ALKBH4: variants seen among roughly 807,000 people sequenced by gnomAD.
The protein encoded by ALKBH4 is alkB homolog 4, lysine demethylase, also known as alpha-ketoglutarate-dependent dioxygenase alkB homolog 4.
Under a neutral mutation model 12.1 loss-of-function variants are expected in ALKBH4, and 8 were observed. The observed-to-expected ratio is 0.66, with a 90% CI of 0.39 to 1.19. ALKBH4 has a LOEUF of 1.19. Among genes scored for constraint, ALKBH4 ranks in the 50% most tolerant of loss-of-function variants. The probability of loss-of-function intolerance (pLI) is 0.01; values close to 1 mark genes in which losing one functional copy is unlikely to be tolerated. For synonymous variants in ALKBH4, 195 were observed against 191.6 expected (o/e 1.02, Z -0.15); for missense variants, 403 against 430.4 (o/e 0.94, Z 0.56).
rs188739075 is a variant in ALKBH4, at chr7:102,457,187, A to T, written c.*207T>A. The T allele has an allele frequency of 2.3e-3, 1,330 of 566,228 alleles. 15 individuals carry two copies. Among genetic ancestry groups the T allele is most frequent in the African/African-American group, 0.023 (1,237 of 53,222 alleles). The allele number at this position is 566,228 out of a possible 1,614,324, so 35.1% of individuals were successfully genotyped here. A position where few individuals can be genotyped will look rare whatever the true frequency, so the allele number is the denominator to read the frequency against. On this transcript the variant is annotated 3_prime_UTR_variant, in exon 3 of 3. Transcript: ENST00000292566. This position sits in a 1 kb window ranked among gnomAD's most constrained non-coding sequence, Gnocchi z 5.9. ...CCCCAAGACTGTGACAAACTAAATAACCAAAAAAGTGTGGCCACGGTCCAG... is the reference window on the plus strand; with the variant it reads ...CCCCAAGACTGTGACAAACTAAATATCCAAAAAAGTGTGGCCACGGTCCAG...
At chr7:102,462,686 T>C (rs1246806146) in intron 1 of ALKBH4, among the ~76,000 whole-genome samples, 3 of 152,080 alleles carry the variant, frequency 2.0e-5, no homozygotes, top group Non-Finnish European at 4.4e-5. Flanking sequence ...AAATTAAAAC[T>C]CTTAAGTTCA....
intron 1 of ALKBH4, 91 bp from the exon 2 acceptor site, chr7:102,459,892 G>C: frequency 8.0e-7 from 1 of 1,254,984 alleles, no homozygotes; most frequent in South Asian, 1.5e-5. Flanking sequence ...GGTGGCTCAC[G>C]CCTGTAATTC....
chr7:102,458,662 TG>T (rs763973870), intron 2 of ALKBH4, among the ~76,000 whole-genome samples: 3 of 143,112 alleles, frequency 2.1e-5, no homozygotes, highest in African/African-American at 7.9e-5. Flanking sequence ...CGCTAGAGCC[TG>T]GGGGGTCAAG....
intron 1 of ALKBH4, among the ~76,000 whole-genome samples, chr7:102,464,187 C>CT (rs1410151961): frequency 2.6e-5 from 4 of 152,150 alleles, no homozygotes; most frequent in Non-Finnish European, 4.4e-5. Flanking sequence ...AGTTCTTTTT[C>CT]TTTTTTTATT....
chr7:102,459,442 G>T, intron 2 of ALKBH4, 162 bp downstream of exon 2: 1 of 804,520 alleles, frequency 1.2e-6, no homozygotes. Context: ...CACACGTCCT[G>T]CAGCGAGTCT....
Position 102,457,479 on chromosome 7 carries a change from G to C in ALKBH4, c.824C>G (p.Ala275Gly). 1.2e-6 allele frequency: 2 copies of C among 1,613,512 alleles called. No homozygotes were observed. The highest frequency in any genetic ancestry group is 2.2e-5 in the South Asian group (2 of 91,080). Reference sequence around the variant, plus strand: ...CTGCCTCCCTCCAGGGCCAAACTCAGCCGACAGCTCCCGGAAAGTGACGCA... The same window carrying C: ...CTGCCTCCCTCCAGGGCCAAACTCACCCGACAGCTCCCGGAAAGTGACGCA... ...RVCVTFRELSAEFGPGGRQQE... is the reference protein window; with the variant it reads ...RVCVTFRELSGEFGPGGRQQE... Residue 275 changes from alanine (A) to glycine (G), a missense_variant, in exon 3 of 3, where the codon GCT (alanine) becomes GGT (glycine). Coordinates refer to ENST00000292566, the MANE Select transcript of ALKBH4 (RefSeq NM_017621.4). This position sits in a 1 kb window ranked among gnomAD's most constrained non-coding sequence, Gnocchi z 5.9.
In ALKBH4 at chr7:102,457,121, G is replaced by C; in HGVS notation, c.*273C>G. 2.6e-6 allele frequency: 1 copy of C among 391,376 alleles called. No individual in the cohort carries two copies. Among genetic ancestry groups the C allele is most frequent in the Non-Finnish European group, 4.6e-6 (1 of 215,484 alleles). The allele number at this position is 391,376 out of a possible 1,614,324, so 24.2% of individuals were successfully genotyped here. A position where few individuals can be genotyped will look rare whatever the true frequency, so the allele number is the denominator to read the frequency against. ...TAGGATTACAGGTGTGAGCCACTGT[G>C]CCCGGCCCCCAGTATTTTTTAAGCT... is the stretch of plus-strand genomic sequence containing the variant. On this transcript the variant is annotated 3_prime_UTR_variant, in exon 3 of 3. Transcript: ENST00000292566. The surrounding 1 kb of genome is among the most constrained non-coding windows in gnomAD (Gnocchi z 5.9).
rs979065016 is a variant in ALKBH4 at position 102,457,291 on chromosome 7, G to A, written c.*103C>T. On this transcript the variant is annotated 3_prime_UTR_variant, in exon 3 of 3. Transcript: ENST00000292566. This position sits in a 1 kb window ranked among gnomAD's most constrained non-coding sequence, Gnocchi z 5.9. ...GGCTCACACTGCTCACAGCATCAGG[G>A]GTCAGCCATCTTCTCTTGAAACCCC... The A allele has an allele frequency of 5.1e-5, 67 of 1,319,508 alleles. No individual in the cohort carries two copies. Among genetic ancestry groups the A allele is most frequent in the Non-Finnish European group, 6.7e-5 (63 of 946,472 alleles). 81.7% of individuals were successfully genotyped at this position (1,319,508 alleles called of 1,614,324 possible).
In ALKBH4 at chr7:102,457,654, T is replaced by C; in HGVS notation, c.649A>G (p.Ser217Gly). 12 of 1,571,700 alleles carry C rather than the reference T, an allele frequency of 7.6e-6. No homozygotes were observed. Among genetic ancestry groups the C allele is most frequent in the African/African-American group, 1.3e-5 (1 of 74,306 alleles). ...PSAAPEALVD[S>G]VIAPSRSVLC... ...ACCGACCGGCTGGGTGCTATCACGC[T>C]GTCCACCAAGGCCTCCGGGGCAGCC... The change falls in exon 3 of 3, where the codon AGC (serine) becomes GGC (glycine). Residue 217 changes from serine to glycine, a missense_variant. Ser to Gly is a moderately conservative substitution (Grantham distance 56, BLOSUM62 0). Transcript: ENST00000292566. This position sits in a 1 kb window ranked among gnomAD's most constrained non-coding sequence, Gnocchi z 5.9.
At chr7:102,461,463 C>G (rs1370739415) in intron 1 of ALKBH4, among the ~76,000 whole-genome samples, 1 of 152,030 alleles carries the variant, frequency 6.6e-6, no homozygotes, top group Admixed American at 6.5e-5. Context: ...TGGGTTCAAG[C>G]GATTCTCCTG....
rs758844528 is a variant in ALKBH4 at position 102,464,696 on chromosome 7, C to T, written c.123+18G>A. On this transcript the variant is annotated intron_variant, in intron 1 of 2. Coordinates refer to ENST00000292566, the MANE Select transcript of ALKBH4 (RefSeq NM_017621.4). ...GCAGAGCGACGTTTGTGGGCGCGGC[C>T]CCTCTCCCACCCCTTACCGCTGGGG... 6.7e-7 allele frequency: 1 copy of T among 1,503,282 alleles called. No individual in the cohort carries two copies. Among genetic ancestry groups the T allele is most frequent in the South Asian group, 1.3e-5 (1 of 78,982 alleles). 93.1% of individuals were successfully genotyped at this position (1,503,282 alleles called of 1,614,324 possible). A position where few individuals can be genotyped will look rare whatever the true frequency, so the allele number is the denominator to read the frequency against.
intron 1 of ALKBH4, among the ~76,000 whole-genome samples, chr7:102,461,980 C>A (rs1797808850): frequency 6.6e-6 from 1 of 152,202 alleles, no homozygotes; most frequent in Non-Finnish European, 1.5e-5. Flanking sequence ...GGACCTCAGC[C>A]CCTTCCAATG....
At chr7:102,463,135 G>A (rs1385989379) in intron 1 of ALKBH4, among the ~76,000 whole-genome samples, 1 of 151,148 alleles carries the variant, frequency 6.6e-6, no homozygotes, top group Non-Finnish European at 1.5e-5. Flanking sequence ...TTTTTTTGTA[G>A]AGGTGGGATT....
Position 102,457,896 on chromosome 7 carries a change from A to C in ALKBH4, c.407T>G (p.Val136Gly). The C allele has an allele frequency of 6.2e-7, 1 of 1,613,166 alleles. No homozygotes were observed. The highest frequency in any genetic ancestry group is 8.5e-7 in the Non-Finnish European group (1 of 1,179,984). Residue 136 changes from valine (V) to glycine (G), a missense_variant, in exon 3 of 3, where the codon GTG becomes GGG. Physicochemically the swap from Val to Gly is moderately radical, Grantham distance 109 (BLOSUM62 -3). Transcript: ENST00000292566. The surrounding 1 kb of genome is among the most constrained non-coding windows in gnomAD (Gnocchi z 5.9). ...CGLPSFSREV[V>G]RRMGLYPGLE... ...CCCCGGGTAGAGGCCCATCCTCCGCACCACCTCCCGGCTGAAGCTGGGGAG... is the reference window on the plus strand; with the variant it reads ...CCCCGGGTAGAGGCCCATCCTCCGCCCCACCTCCCGGCTGAAGCTGGGGAG...
chr7:102,460,532 G>A (rs1410010328), intron 1 of ALKBH4, among the ~76,000 whole-genome samples: 1 of 152,158 alleles, frequency 6.6e-6, no homozygotes, highest in Non-Finnish European at 1.5e-5. Context: ...GAGCTAACAC[G>A]AATTTGATTG....
Position 102,457,200 on chromosome 7 carries a change from G to A in ALKBH4, c.*194C>T. On this transcript the variant is annotated 3_prime_UTR_variant, in exon 3 of 3. Transcript: ENST00000292566. The surrounding 1 kb of genome is among the most constrained non-coding windows in gnomAD (Gnocchi z 5.9). ...ACAAACTAAATAACCAAAAAAGTGT[G>A]GCCACGGTCCAGGTGGAAGGGGGCT... 1.7e-6 allele frequency: 1 copy of A among 589,422 alleles called. No homozygotes were observed. The highest frequency in any genetic ancestry group is 2.9e-6 in the Non-Finnish European group (1 of 343,750). The allele number at this position is 589,422 out of a possible 1,614,324, so 36.5% of individuals were successfully genotyped here. A position where few individuals can be genotyped will look rare whatever the true frequency, so the allele number is the denominator to read the frequency against.
intron 2 of ALKBH4, 148 bp downstream of exon 2, chr7:102,459,456 T>C (rs1197594250): frequency 1.0e-6 from 1 of 964,246 alleles, no homozygotes; most frequent in African/African-American, 1.6e-5. Flanking sequence ...CGAGTCTGGC[T>C]GCCCACAGCC....
rs747309640 is a variant in ALKBH4, at chr7:102,457,475, C to G, written c.828G>C (p.Glu276Asp). The G allele has an allele frequency of 6.2e-6, 10 of 1,613,426 alleles. No homozygotes were observed. In the African/African-American group the frequency reaches 1.2e-4, roughly 19 times the overall value. Residue 276 changes from glutamate (E) to aspartate (D), a missense_variant, in exon 3 of 3, where the codon GAG (glutamate) becomes GAC (aspartate). Glu to Asp is a conservative substitution (Grantham distance 45, BLOSUM62 2). Transcript: ENST00000292566. This position sits in a 1 kb window ranked among gnomAD's most constrained non-coding sequence, Gnocchi z 5.9. ...VCVTFRELSA[E>D]FGPGGRQQEL... is the part of the protein sequence containing the mutation. The stretch of plus-strand genomic sequence containing the variant: ...CTTGCTGCCTCCCTCCAGGGCCAAA[C>G]TCAGCCGACAGCTCCCGGAAAGTGA...
Position 102,464,749 on chromosome 7 carries a change from G to A in ALKBH4, c.88C>T (p.Arg30Cys), listed in dbSNP as rs139740413. ...AGCTCCCAGGGCGGGTCACTGCCGCGCTGCCGCTCGCAGATCAGACAGGTC... is the reference window on the plus strand; with the variant it reads ...AGCTCCCAGGGCGGGTCACTGCCGCACTGCCGCTCGCAGATCAGACAGGTC... ...IRTCLICERQRGSDPPWELPP... is the reference protein window; with the variant it reads ...IRTCLICERQCGSDPPWELPP... The change falls in exon 1 of 3, where the codon CGC becomes TGC. Residue 30 changes from arginine to cysteine, a missense_variant. Physicochemically the swap from Arg to Cys is radical, Grantham distance 180. Transcript: ENST00000292566. The A allele has an allele frequency of 1.4e-4, 226 of 1,569,950 alleles. 2 individuals carry two copies. The highest frequency in any genetic ancestry group is 2.0e-4 in the East Asian group (8 of 39,236).
Sources: gnomAD v4.1 joint callset for allele counts (sites outside exome capture counted in the v4.1 genomes callset) on GRCh38, gnomAD v4.1.1 for gene constraint, Gnocchi (gnomAD v3.1) non-coding constraint, MANE v1.5 for transcripts, NCBI Gene and HGNC (gene_info 2026-07-23, HGNC 2026-07-21) for gene names.